TMEM108: variants seen among roughly 807,000 people sequenced by gnomAD.
The protein encoded by TMEM108 is cancer/testis antigen 124.
A neutral mutation model predicts 35.1 loss-of-function variants in TMEM108; 12 were observed. The ratio of observed to expected loss-of-function variants is 0.34; its 90% CI spans 0.22 to 0.55. The LOEUF (loss-of-function observed/expected upper bound fraction) is 0.55. TMEM108 is among the 20% of genes least tolerant of loss of function. The pLI is 0.89. For synonymous variants in TMEM108, 287 were observed against 308.6 expected, an observed-to-expected ratio of 0.93 and a Z score of 0.73; for missense variants, 680 against 753.3, an observed-to-expected ratio of 0.90 and a Z score of 1.14.
At chr3:133,163,491 A>G (rs1944990974) in intron 2 of TMEM108, among the ~76,000 whole-genome samples, 1 of 152,194 alleles carries the variant, frequency 6.6e-6, no homozygotes, top group Non-Finnish European at 1.5e-5. Context: ...GCAGAGAATC[A>G]TGAGTGATAA....
intron 3 of TMEM108, among the ~76,000 whole-genome samples, chr3:133,304,185 T>G (rs1167697261): frequency 2.0e-5 from 3 of 152,188 alleles, no homozygotes; most frequent in Non-Finnish European, 4.4e-5. Flanking sequence ...AATTCTTTTC[T>G]TTTCCCTCAT....
chr3:133,373,871 A>G (rs1323704886), intron 3 of TMEM108, among the ~76,000 whole-genome samples: 1 of 152,230 alleles, frequency 6.6e-6, no homozygotes, highest in African/African-American at 2.4e-5. Context: ...CTTAGGGTTG[A>G]CCAGGCTCAG....
chr3:133,173,381 C>G (rs1208843893), intron 2 of TMEM108, among the ~76,000 whole-genome samples: 1 of 152,200 alleles, frequency 6.6e-6, no homozygotes. Flanking sequence ...GGTTGTATAT[C>G]TACACAAACC....
In TMEM108 at chr3:133,134,121, A is replaced by G. The variant is rs1284747885; in HGVS notation, c.-47+88101A>G. Among the ~76,000 whole-genome samples the G allele has an allele frequency of 7.9e-5, 12 of 151,890 alleles. No homozygotes were observed. In the South Asian group the frequency reaches 2.5e-3, roughly 31 times the overall value. ...TATATATATATACAGTATAGATTAT[A>G]TATATATGTATAAAATCTCACATTT... On this transcript the variant is annotated intron_variant, in intron 2 of 5. Coordinates refer to ENST00000321871, the MANE Select transcript of TMEM108 (RefSeq NM_023943.4).
At position 133,395,965 on chromosome 3, in the gene TMEM108, C is replaced by T. The variant is rs148237540; in HGVS notation, c.1707C>T (p.Asn569=). The T allele has an allele frequency of 1.2e-5, 19 of 1,600,014 alleles. No individual in the cohort carries two copies. The highest frequency in any genetic ancestry group is 1.1e-4 in the African/African-American group (8 of 74,222). The change falls in exon 6 of 6, where the codon AAC becomes AAT. Residue 569 remains asparagine, a synonymous_variant. Transcript: ENST00000321871. ...GTCAAGAAACACTGTTTGTGGGAAA[C>T]GATCAAGTATCTGAGATCTAACTAC... ...PFCQETLFVG[N]DQVSEI
intron 2 of TMEM108, among the ~76,000 whole-genome samples, chr3:133,146,541 A>G (rs1436829054): frequency 1.3e-5 from 2 of 152,180 alleles, no homozygotes; most frequent in African/African-American, 4.8e-5. Flanking sequence ...AAGGAACGGA[A>G]GCAGCTCCTC....
chr3:133,089,245 T>C (rs1223336797), intron 2 of TMEM108, among the ~76,000 whole-genome samples: 1 of 152,102 alleles, frequency 6.6e-6, no homozygotes, highest in Admixed American at 6.5e-5. Flanking sequence ...GGGACACAGA[T>C]CCAAACCATA....
At chr3:133,216,275 G>A (rs1461281914) in intron 2 of TMEM108, among the ~76,000 whole-genome samples, 2 of 152,010 alleles carry the variant, frequency 1.3e-5, no homozygotes, top group Admixed American at 1.3e-4. Context: ...AGTGATATAT[G>A]ACTGTCCCAC....
intron 2 of TMEM108, among the ~76,000 whole-genome samples, chr3:133,166,710 C>T (rs930334017): frequency 4.6e-5 from 7 of 152,146 alleles, no homozygotes; most frequent in Non-Finnish European, 7.3e-5. Context: ...TGCAGACCTG[C>T]GCGGTGAGTG....
At chr3:133,222,385 C>G (rs1409771594) in intron 2 of TMEM108, among the ~76,000 whole-genome samples, 1 of 152,114 alleles carries the variant, frequency 6.6e-6, no homozygotes, top group African/African-American at 2.4e-5. Context: ...TCAATTGAAT[C>G]TTATTGGAAG....
intron 2 of TMEM108, among the ~76,000 whole-genome samples, chr3:133,227,253 C>T (rs548478748): frequency 2.7e-3 from 355 of 130,950 alleles, no homozygotes; most frequent in African/African-American, 9.6e-3. Flanking sequence ...AGTGCAGTGG[C>T]GCAATCTCGG....
At chr3:133,081,263 G>A (rs1470278701) in intron 2 of TMEM108, among the ~76,000 whole-genome samples, 1 of 152,164 alleles carries the variant, frequency 6.6e-6, no homozygotes, top group Non-Finnish European at 1.5e-5. Flanking sequence ...TTTGAGATCA[G>A]GGTACCAGTA....
chr3:133,362,682 C>T (rs1451903784), intron 3 of TMEM108, among the ~76,000 whole-genome samples: 1 of 152,202 alleles, frequency 6.6e-6, no homozygotes, highest in Non-Finnish European at 1.5e-5. Flanking sequence ...CCTCCCCTAG[C>T]TTATGGTGCT....
chr3:133,178,601 G>T (rs1311234640), intron 2 of TMEM108, among the ~76,000 whole-genome samples: 1 of 152,208 alleles, frequency 6.6e-6, no homozygotes, highest in Non-Finnish European at 1.5e-5. Context: ...AAACTGGCTA[G>T]CCATATGTAG....
intron 3 of TMEM108, among the ~76,000 whole-genome samples, chr3:133,347,957 G>A (rs1298632108): frequency 2.0e-5 from 3 of 152,016 alleles, no homozygotes; most frequent in African/African-American, 7.2e-5. Flanking sequence ...ATATTGCCAG[G>A]ATTGCCCAAA....
intron 3 of TMEM108, among the ~76,000 whole-genome samples, chr3:133,242,633 A>G (rs55686499): frequency 0.12 from 18,292 of 152,278 alleles, 1,498 homozygotes; most frequent in East Asian, 0.38. Context: ...GCTCACATGT[A>G]GCACTGGTGC....
intron 3 of TMEM108, among the ~76,000 whole-genome samples, chr3:133,231,004 G>C (rs1469614750): frequency 1.3e-5 from 2 of 152,144 alleles, no homozygotes; most frequent in African/African-American, 4.8e-5. Context: ...TTAGGAGGTA[G>C]GTAGTGGCCC....
At chr3:133,280,363 C>G (rs1482535636) in intron 3 of TMEM108, among the ~76,000 whole-genome samples, 1 of 152,190 alleles carries the variant, frequency 6.6e-6, no homozygotes, top group Non-Finnish European at 1.5e-5. Context: ...ATGGCATGCT[C>G]TATATCCTGT....
At chr3:133,230,278 T>G (rs1277361075) in intron 3 of TMEM108, among the ~76,000 whole-genome samples, 1 of 152,220 alleles carries the variant, frequency 6.6e-6, no homozygotes, top group African/African-American at 2.4e-5. Flanking sequence ...GTAATTCAGC[T>G]TATGTTGTAC....
Sources: gnomAD v4.1 joint callset for allele counts (sites outside exome capture counted in the v4.1 genomes callset) on GRCh38, gnomAD v4.1.1 for gene constraint, MANE v1.5 for transcripts, NCBI Gene and HGNC (gene_info 2026-07-23, HGNC 2026-07-21) for gene names.